SMYD1: variants seen among roughly 807,000 people sequenced by gnomAD.
SMYD1 encodes the protein SET and MYND domain containing 1, also known as histone-lysine N-methyltransferase SMYD1.
In SMYD1, 49 loss-of-function variants were observed where a neutral mutation model predicts 54.0. The observed-to-expected ratio is 0.91, with a 90% CI of 0.72 to 1.15. The LOEUF (loss-of-function observed/expected upper bound fraction) is 1.15. SMYD1 is among the 50% of genes most tolerant of loss of function. The probability of loss-of-function intolerance (pLI) is 0.00; values close to 1 mark genes in which losing one functional copy is unlikely to be tolerated. For synonymous variants in SMYD1, 269 were observed against 234.2 expected (o/e 1.15, Z -1.36); for missense variants, 653 against 639.6 (o/e 1.02, Z -0.23).
Position 88,087,795 on chromosome 2 carries a change from C to A in SMYD1, c.315-67C>A, listed in dbSNP as rs781462979. On this transcript the variant is annotated intron_variant, in intron 2 of 9. Transcript: ENST00000419482. ...CATTGTGCCTGGCATGCATGAGACA[C>A]CCAGTAAATGTGTGTTGAAGGAATG... The A allele has an allele frequency of 3.7e-6, 5 of 1,361,542 alleles. No homozygotes were observed. In the Admixed American group the frequency reaches 8.3e-5, roughly 23 times the overall value. 84.3% of individuals were successfully genotyped at this position (1,361,542 alleles called of 1,614,324 possible). A position where few individuals can be genotyped will look rare whatever the true frequency, so the allele number is the denominator to read the frequency against.
chr2:88,091,441 G>GA (rs541437188), intron 4 of SMYD1, among the ~76,000 whole-genome samples: 20 of 152,104 alleles, frequency 1.3e-4, no homozygotes, highest in Non-Finnish European at 2.8e-4. Flanking sequence ...TATCTGTCTA[G>GA]AGGTCATTTA....
intron 2 of SMYD1, among the ~76,000 whole-genome samples, chr2:88,086,464 G>T (rs1037152098): frequency 6.6e-6 from 1 of 152,066 alleles, no homozygotes; most frequent in Non-Finnish European, 1.5e-5. Flanking sequence ...AGAGGGCTTC[G>T]GGGTGAAGTA....
In SMYD1 at chr2:88,075,838, A is replaced by G. The variant is rs376959494; in HGVS notation, c.137+7837A>G. Reference sequence around the variant, plus strand: ...GATTACAGGTGTAAGCCACTACCCCAGCCCCCACTGACTTCTTATGTCAAG... The same window carrying G: ...GATTACAGGTGTAAGCCACTACCCCGGCCCCCACTGACTTCTTATGTCAAG... On this transcript the variant is annotated intron_variant, in intron 1 of 9. Coordinates refer to ENST00000419482, the MANE Select transcript of SMYD1 (RefSeq NM_198274.4). Among the ~76,000 whole-genome samples the G allele has an allele frequency of 6.6e-4, 101 of 152,036 alleles. 1 individual carries two copies. The highest frequency in any genetic ancestry group is 2.4e-3 in the African/African-American group (98 of 41,486).
chr2:88,087,619 GT>G (rs1434368879), intron 2 of SMYD1, among the ~76,000 whole-genome samples: 1 of 152,068 alleles, frequency 6.6e-6, no homozygotes, highest in African/African-American at 2.4e-5. Flanking sequence ...CCCCACCCCA[GT>G]CACTCTCTAT....
At chr2:88,087,060 G>A (rs1182614678) in intron 2 of SMYD1, among the ~76,000 whole-genome samples, 42 of 49,206 alleles carry the variant, frequency 8.5e-4, no homozygotes, top group Admixed American at 2.5e-3. Flanking sequence ...AATAAATAAA[G>A]AGTACACTGT....
chr2:88,097,338 A>G (rs547572562), intron 6 of SMYD1, among the ~76,000 whole-genome samples: 3 of 152,278 alleles, frequency 2.0e-5, no homozygotes, highest in African/African-American at 7.2e-5. Context: ...CAGCAGAGGA[A>G]GGCTTGCTGA....
intron 8 of SMYD1, among the ~76,000 whole-genome samples, chr2:88,108,124 T>C (rs949137831): frequency 2.0e-5 from 3 of 152,236 alleles, no homozygotes; most frequent in Non-Finnish European, 4.4e-5. Flanking sequence ...GGTCCCTTTT[T>C]CTCACAAGGA....
At chr2:88,082,766 A>G (rs1674228724) in intron 1 of SMYD1, among the ~76,000 whole-genome samples, 1 of 152,190 alleles carries the variant, frequency 6.6e-6, no homozygotes, top group African/African-American at 2.4e-5. Flanking sequence ...AATGAATGGG[A>G]AGCAAGGCAG....
intron 5 of SMYD1, among the ~76,000 whole-genome samples, chr2:88,095,614 C>G (rs1674568842): frequency 6.6e-6 from 1 of 152,216 alleles, no homozygotes; most frequent in Non-Finnish European, 1.5e-5. Context: ...CCCCAGCCCT[C>G]TGCATCCTGC....
chr2:88,083,108 C>T (rs1674236743), intron 1 of SMYD1: 1 of 152,086 alleles, frequency 6.6e-6, no homozygotes, highest in Non-Finnish European at 1.5e-5. Context: ...TTTGGAGATC[C>T]CTGTTTAGAC....
At chr2:88,089,177 C>G (rs1176549484) in intron 3 of SMYD1, among the ~76,000 whole-genome samples, 2 of 152,140 alleles carry the variant, frequency 1.3e-5, no homozygotes, top group African/African-American at 4.8e-5. Flanking sequence ...TGGCAGAACT[C>G]CTTGCTCAGG....
chr2:88,095,504 T>C (rs1421635965), intron 5 of SMYD1, among the ~76,000 whole-genome samples: 1 of 152,214 alleles, frequency 6.6e-6, no homozygotes, highest in Non-Finnish European at 1.5e-5. Context: ...ACTGGGACTC[T>C]TCTCAGGTGC....
chr2:88,101,952 T>A (rs1328631161), intron 6 of SMYD1, among the ~76,000 whole-genome samples: 1 of 152,232 alleles, frequency 6.6e-6, no homozygotes, highest in Non-Finnish European at 1.5e-5. Context: ...GATTGGTCAG[T>A]GCTTTTTCTG....
At chr2:88,087,303 T>C (rs778195182) in intron 2 of SMYD1, among the ~76,000 whole-genome samples, 2 of 152,198 alleles carry the variant, frequency 1.3e-5, no homozygotes, top group Middle Eastern at 6.8e-3. Flanking sequence ...CTCATCCCAG[T>C]AGGCCACACT....
intron 4 of SMYD1, among the ~76,000 whole-genome samples, chr2:88,091,986 C>A (rs1188735537): frequency 1.3e-5 from 2 of 152,182 alleles, no homozygotes; most frequent in African/African-American, 4.8e-5. Context: ...CCTGGAAGGG[C>A]AGGTGAAGGA....
At chr2:88,081,941 T>C (rs1250015123) in intron 1 of SMYD1, among the ~76,000 whole-genome samples, 1 of 152,136 alleles carries the variant, frequency 6.6e-6, no homozygotes, top group Non-Finnish European at 1.5e-5. Context: ...TTTACTTGGA[T>C]TTTTCAGGAG....
Position 88,112,520 on chromosome 2 carries a change from G to A in SMYD1, c.*2008G>A, listed in dbSNP as rs1978939. Reference sequence around the variant, plus strand: ...ATTTGTCACCCCACTGGCCTTCTCAGGTGCAATCAGTAAAAATGCTGAGAA... The same window carrying A: ...ATTTGTCACCCCACTGGCCTTCTCAAGTGCAATCAGTAAAAATGCTGAGAA... On this transcript the variant is annotated 3_prime_UTR_variant, in exon 10 of 10. Transcript: ENST00000419482. The A allele has an allele frequency of 0.25, 52,705 of 210,110 alleles. 8,274 individuals are homozygous for A. The highest frequency in any genetic ancestry group is 0.49 in the East Asian group (4,725 of 9,682). The allele number at this position is 210,110 out of a possible 1,614,324, so 13.0% of individuals were successfully genotyped here.
At chr2:88,090,255 T>C (rs1432830312) in intron 3 of SMYD1, among the ~76,000 whole-genome samples, 1 of 152,256 alleles carries the variant, frequency 6.6e-6, no homozygotes, top group Admixed American at 6.5e-5. Context: ...TTCTGTTATG[T>C]ACAGCATGTA....
Position 88,112,441 on chromosome 2 carries a change from T to A in SMYD1, c.*1929T>A, listed in dbSNP as rs1488406645. On this transcript the variant is annotated 3_prime_UTR_variant, in exon 10 of 10. Transcript: ENST00000419482. ...GTACTCTGGATCCCTTCCCCTGCTT[T>A]GACCCCCAGACTTTGCTCCATCTAT... The A allele has an allele frequency of 2.5e-6, 1 of 396,770 alleles. No individual in the cohort carries two copies. The highest frequency in any genetic ancestry group is 4.3e-5 in the East Asian group (1 of 23,136). 24.6% of individuals were successfully genotyped at this position (396,770 alleles called of 1,614,324 possible).
Sources: gnomAD v4.1 joint callset for allele counts (sites outside exome capture counted in the v4.1 genomes callset) on GRCh38, gnomAD v4.1.1 for gene constraint, MANE v1.5 for transcripts, NCBI Gene and HGNC (gene_info 2026-07-23, HGNC 2026-07-21) for gene names.